Variants in HK1 observed in about 807,000 individuals in gnomAD.
The protein encoded by HK1 is hexokinase-1.
Under a neutral mutation model 91.6 loss-of-function variants are expected in HK1, and 28 were observed. The observed-to-expected ratio is 0.31, with a 90% CI of 0.23 to 0.42. The LOEUF is 0.42. Ranked by LOEUF, HK1 falls within the 10% of genes least tolerant of loss-of-function variation. HK1 has a pLI of 1.00. For synonymous variants in HK1, 430 were observed against 468.1 expected, an observed-to-expected ratio of 0.92 and a Z score of 1.05; for missense variants, 770 against 1,219.8, an observed-to-expected ratio of 0.63 and a Z score of 5.49.
chr10:69,318,763 C>T, upstream of HK1: 2 of 1,218,188 alleles, frequency 1.6e-6, no homozygotes, highest in South Asian at 1.8e-5. Flanking sequence ...CTGTCACCCT[C>T]CAGGGGACGG....
rs1182067234 is a variant in HK1 at position 69,343,768 on chromosome 10, C to T, written c.64-59C>T. The T allele has an allele frequency of 2.8e-6, 4 of 1,412,128 alleles. No homozygotes were observed. The East Asian group carries it at 6.8e-5, about 24-fold the overall frequency. The allele number at this position is 1,412,128 out of a possible 1,614,324, so 87.5% of individuals were successfully genotyped here. ...GCTGGCTATCTCAGCGGGTGGGTGC[C>T]TCACCTTGCCCTGTCCTCCCCCTCG... On this transcript the variant is annotated intron_variant, in intron 1 of 17. Transcript: ENST00000359426.
intron 1 of HK1, among the ~76,000 whole-genome samples, chr10:69,325,138 G>A (rs1286939474): frequency 7.9e-5 from 11 of 139,610 alleles, no homozygotes; most frequent in Admixed American, 4.0e-4. Context: ...TGCAAGCTCC[G>A]CCTCCTGGGT....
intron 8 of HK1, among the ~76,000 whole-genome samples, chr10:69,378,079 G>A (rs891760068): frequency 5.3e-5 from 8 of 152,212 alleles, no homozygotes; most frequent in South Asian, 4.1e-4. Context: ...GCTGGAGTTT[G>A]TTGTATGATC....
intron 1 of HK1, among the ~76,000 whole-genome samples, chr10:69,341,362 A>G (rs949443140): frequency 2.0e-5 from 3 of 151,398 alleles, no homozygotes; most frequent in African/African-American, 4.9e-5. Context: ...GGTTTTGCCA[A>G]GTTTCCCAGG....
chr10:69,347,500 A>T (rs1183774363), intron 2 of HK1, among the ~76,000 whole-genome samples: 1 of 150,340 alleles, frequency 6.7e-6, no homozygotes, highest in Non-Finnish European at 1.5e-5. Context: ...CAGTGGCATG[A>T]TCTCGGCTCA....
intron 1 of HK1, among the ~76,000 whole-genome samples, chr10:69,270,313 G>T (rs191854715): frequency 6.6e-6 from 1 of 152,232 alleles, no homozygotes; most frequent in East Asian, 1.9e-4. Flanking sequence ...GGGCGTGGTG[G>T]CTCATGCCTG....
chr10:69,305,776 C>T (rs919995094), intron 5 of HK1, among the ~76,000 whole-genome samples: 2 of 151,258 alleles, frequency 1.3e-5, no homozygotes, highest in African/African-American at 4.9e-5. Context: ...TCGTTTGAAC[C>T]CGGGAGGCAG....
At chr10:69,381,269 GA>G (rs1331541398) in intron 9 of HK1, among the ~76,000 whole-genome samples, 1 of 152,178 alleles carries the variant, frequency 6.6e-6, no homozygotes, top group African/African-American at 2.4e-5. Flanking sequence ...CTGGGGGACA[GA>G]ATGAGCTCCT....
intron 2 of HK1, chr10:69,288,661 C>T: frequency 1.5e-6 from 2 of 1,331,048 alleles, no homozygotes; most frequent in Non-Finnish European, 2.2e-6. Context: ...TGAACTTGGC[C>T]TTTCTCTAGG....
At chr10:69,381,415 ATT>A (rs1839378902) in intron 9 of HK1, among the ~76,000 whole-genome samples, 1 of 152,094 alleles carries the variant, frequency 6.6e-6, no homozygotes, top group Non-Finnish European at 1.5e-5. Context: ...TTTATTAGCC[ATT>A]TCTTTCTTTT....
At chr10:69,374,198 A>G (rs1006669518) in intron 7 of HK1, among the ~76,000 whole-genome samples, 2 of 152,162 alleles carry the variant, frequency 1.3e-5, no homozygotes, top group Admixed American at 1.3e-4. Context: ...TTGCTTGGCC[A>G]TGGGCCTCTG....
chr10:69,312,166 T>C (rs943934440), upstream of HK1, among the ~76,000 whole-genome samples: 2 of 152,328 alleles, frequency 1.3e-5, no homozygotes, highest in Non-Finnish European at 2.9e-5. Flanking sequence ...AGAAAAGGCA[T>C]ACACATTTTC....
At position 69,289,474 on chromosome 10, in the gene HK1, T is replaced by A. The variant is rs1162690438; in HGVS notation, c.-115+704T>A. On this transcript the variant is annotated intron_variant, in intron 3 of 21. Transcript: ENST00000360289. ...TTAAAAAAAAAAATTTTTTTTTTTT[T>A]TTTTTTTTTTTTTTTGAGATAGAGT... 4.5e-3 allele frequency among the ~76,000 whole-genome samples: 120 copies of A among 26,920 alleles called. 1 individual carries two copies. The highest frequency in any genetic ancestry group is 9.2e-3 in the Non-Finnish European group (87 of 9,490). The allele number at this position is 26,920 out of a possible 152,430, so 17.7% of individuals were successfully genotyped here. A position where few individuals can be genotyped will look rare whatever the true frequency, so the allele number is the denominator to read the frequency against.
Position 69,384,903 on chromosome 10 carries a change from G to C in HK1, c.1827G>C (p.Thr609=). Residue 609 remains threonine (T), a synonymous_variant, in exon 12 of 18, where the codon ACG becomes ACC. Coordinates refer to ENST00000359426, the MANE Select transcript of HK1 (RefSeq NM_000188.3). Reference sequence around the variant, plus strand: ...CGTTCTCATTTCCCTGCCAGCAGACGAGTCTGGACGCGGTGAGTCTCTGTT... The same window carrying C: ...CGTTCTCATTTCCCTGCCAGCAGACCAGTCTGGACGCGGTGAGTCTCTGTT... ...GFTFSFPCQQ[T]SLDAGILITW... is the part of the protein sequence containing the mutation. 1 of 1,614,214 alleles carries C rather than the reference G, an allele frequency of 6.2e-7. No individual in the cohort carries two copies. Among genetic ancestry groups the C allele is most frequent in the East Asian group, 2.2e-5 (1 of 44,884 alleles).
Position 69,377,058 on chromosome 10 carries a change from T to C in HK1, c.1000T>C (p.Phe334Leu), listed in dbSNP as rs189866037. The C allele has an allele frequency of 1.2e-6, 2 of 1,614,118 alleles. No individual in the cohort carries two copies. Among genetic ancestry groups the C allele is most frequent in the East Asian group, 2.2e-5 (1 of 44,876 alleles). ...ITPELLTRGKFNTSDVSAIEK... is the reference protein window; with the variant it reads ...ITPELLTRGKLNTSDVSAIEK... ...CCCGGAGCTGCTCACCCGAGGGAAG[T>C]TTAACACCAGTGATGTGTCAGCCAT... The change falls in exon 8 of 18, where the codon TTT becomes CTT. Residue 334 changes from phenylalanine to leucine, a missense_variant. Physicochemically the swap from Phe to Leu is conservative, Grantham distance 22. Coordinates refer to ENST00000359426, the MANE Select transcript of HK1 (RefSeq NM_000188.3).
chr10:69,313,213 A>G (rs1372808291), upstream of HK1, among the ~76,000 whole-genome samples: 1 of 152,220 alleles, frequency 6.6e-6, no homozygotes, highest in Non-Finnish European at 1.5e-5. Context: ...TTAGGAGCTG[A>G]AAATGTCAAT....
chr10:69,318,188 A>G (rs533627404), upstream of HK1: 1 of 985,460 alleles, frequency 1.0e-6, no homozygotes, highest in Admixed American at 6.1e-5. Flanking sequence ...GCTGGAGATT[A>G]GGCGGGGCAC....
intron 3 of HK1, among the ~76,000 whole-genome samples, chr10:69,362,515 T>C (rs1245558457): frequency 6.6e-6 from 1 of 151,466 alleles, no homozygotes; most frequent in Non-Finnish European, 1.5e-5. Flanking sequence ...ATCGCAGACA[T>C]AGTCTAGCCT....
At chr10:69,315,913 C>A, upstream of HK1, 1 of 1,606,116 alleles carries the variant, frequency 6.2e-7, no homozygotes, top group Non-Finnish European at 8.5e-7. Context: ...TGTGGCATCC[C>A]AGGTTCCTGC....
Sources: gnomAD v4.1 joint callset for allele counts (sites outside exome capture counted in the v4.1 genomes callset) on GRCh38, gnomAD v4.1.1 for gene constraint, MANE v1.5 for transcripts, NCBI Gene and HGNC (gene_info 2026-07-23, HGNC 2026-07-21) for gene names.